The following GPC5 variants were observed in gnomAD, a reference collection of about 807,000 sequenced individuals.
GPC5 encodes glypican-5.
GPC5 carries 47 observed loss-of-function variants against 53.9 expected under a neutral mutation model. That is an observed-to-expected ratio of 0.87 (90% CI 0.69 to 1.11). The LOEUF is 1.11. GPC5 is among the 50% of genes most tolerant of loss of function. The pLI is 0.00. For synonymous variants in GPC5, 286 were observed against 263.3 expected (o/e 1.09, Z -0.84); for missense variants, 748 against 713.1 (o/e 1.05, Z -0.56).
At chr13:92,865,075 G>A (rs138033528) in intron 7 of GPC5, among the ~76,000 whole-genome samples, 40 of 152,230 alleles carry the variant, frequency 2.6e-4, no homozygotes, top group South Asian at 1.5e-3. Flanking sequence ...TGATGAATCA[G>A]TAATTCCCTA....
At chr13:92,758,198 T>G (rs1228071328) in intron 7 of GPC5, among the ~76,000 whole-genome samples, 3 of 148,984 alleles carry the variant, frequency 2.0e-5, no homozygotes, top group Non-Finnish European at 4.5e-5. Flanking sequence ...TGGATGAAAT[T>G]GGAAATCATC....
chr13:92,247,682 T>A (rs544415051), intron 7 of GPC5, among the ~76,000 whole-genome samples: 124 of 152,264 alleles, frequency 8.1e-4, no homozygotes, highest in African/African-American at 2.9e-3. Flanking sequence ...TGTGTGTGTC[T>A]GTGAAATATA....
At chr13:92,077,918 G>A (rs1181048354) in intron 6 of GPC5, among the ~76,000 whole-genome samples, 7 of 152,156 alleles carry the variant, frequency 4.6e-5, no homozygotes, top group East Asian at 3.9e-4. Context: ...CTTGATAGAC[G>A]TAGATATAGA....
intron 7 of GPC5, among the ~76,000 whole-genome samples, chr13:92,710,510 G>C (rs1888099336): frequency 6.6e-6 from 1 of 152,198 alleles, no homozygotes; most frequent in Non-Finnish European, 1.5e-5. Flanking sequence ...ACAAGTTACA[G>C]CAAAGAGAAA....
At chr13:91,463,919 A>G (rs1183851641) in intron 2 of GPC5, among the ~76,000 whole-genome samples, 1 of 152,094 alleles carries the variant, frequency 6.6e-6, no homozygotes, top group Non-Finnish European at 1.5e-5. Flanking sequence ...GGGCCTTGTG[A>G]AAATTACAAA....
chr13:92,692,318 A>G (rs1299801588), intron 7 of GPC5, among the ~76,000 whole-genome samples: 3 of 152,016 alleles, frequency 2.0e-5, no homozygotes, highest in South Asian at 2.1e-4. Context: ...GCTATTGTGA[A>G]TAGTGCTGCA....
chr13:91,480,599 A>C (rs1883247190), intron 2 of GPC5, among the ~76,000 whole-genome samples: 3 of 152,204 alleles, frequency 2.0e-5, no homozygotes, highest in African/African-American at 7.2e-5. Flanking sequence ...ATCAAGACAT[A>C]TTGCATACAA....
At position 92,498,651 on chromosome 13, in the gene GPC5, T is replaced by C. The variant is rs79977013; in HGVS notation, c.1561+353662T>C. Among the ~76,000 whole-genome samples the C allele has an allele frequency of 6.5e-3, 987 of 152,264 alleles. 6 individuals carry two copies. The highest frequency in any genetic ancestry group is 0.017 in the Middle Eastern group (5 of 294). ...TTGCAGGGCAGAGGGTGGGAGACTC[T>C]CCTGCCCTGCTCATATCTGACTAGC... On this transcript the variant is annotated intron_variant, in intron 7 of 7. Transcript: ENST00000377067.
At chr13:91,973,628 T>C (rs539874767) in intron 6 of GPC5, among the ~76,000 whole-genome samples, 3,573 of 151,562 alleles carry the variant, frequency 0.024, 137 homozygotes, top group African/African-American at 0.082. Context: ...ATGATGGTGA[T>C]GTACAGATGG....
intron 2 of GPC5, among the ~76,000 whole-genome samples, chr13:91,512,832 G>GT (rs1885303407): frequency 6.6e-6 from 1 of 152,072 alleles, no homozygotes; most frequent in Admixed American, 6.6e-5. Flanking sequence ...TACCATTAGG[G>GT]TTTTTTGCAT....
intron 6 of GPC5, among the ~76,000 whole-genome samples, chr13:91,974,802 A>G (rs1393016237): frequency 0.022 from 3,332 of 151,822 alleles, 118 homozygotes; most frequent in African/African-American, 0.077. Flanking sequence ...AAAAGAGCCC[A>G]CAATGCCAAG....
intron 2 of GPC5, among the ~76,000 whole-genome samples, chr13:91,466,069 A>G (rs1005039787): frequency 1.3e-5 from 2 of 152,020 alleles, no homozygotes; most frequent in Non-Finnish European, 2.9e-5. Context: ...CACTGCCTGA[A>G]CCCTGAAGGC....
intron 4 of GPC5, among the ~76,000 whole-genome samples, chr13:91,733,635 T>C (rs1282786643): frequency 1.3e-5 from 2 of 152,190 alleles, no homozygotes; most frequent in African/African-American, 4.8e-5. Flanking sequence ...TCCTTGTCTA[T>C]TGTTGAGTTA....
At chr13:92,185,391 AACTT>A (rs1285112427) in intron 7 of GPC5, among the ~76,000 whole-genome samples, 1 of 152,188 alleles carries the variant, frequency 6.6e-6, no homozygotes, top group Non-Finnish European at 1.5e-5. Context: ...AATTCTCTTA[AACTT>A]ACTAAGATGT....
chr13:91,642,066 C>T (rs954357329), intron 2 of GPC5, among the ~76,000 whole-genome samples: 2 of 151,880 alleles, frequency 1.3e-5, no homozygotes, highest in Non-Finnish European at 2.9e-5. Flanking sequence ...AACAGGAGGC[C>T]CAACTTGTAT....
chr13:92,344,664 C>T (rs2043395781), intron 7 of GPC5, among the ~76,000 whole-genome samples: 1 of 152,084 alleles, frequency 6.6e-6, no homozygotes, highest in South Asian at 2.1e-4. Context: ...GGGGAGTGGT[C>T]AAAGTGAGGT....
chr13:91,827,181 G>T (rs1440008330), intron 5 of GPC5, among the ~76,000 whole-genome samples: 1 of 151,858 alleles, frequency 6.6e-6, no homozygotes, highest in Non-Finnish European at 1.5e-5. Context: ...AACATATCAG[G>T]TGTATTCCAT....
chr13:92,018,646 T>C (rs2138787008), intron 6 of GPC5, among the ~76,000 whole-genome samples: 1 of 152,230 alleles, frequency 6.6e-6, no homozygotes, highest in African/African-American at 2.4e-5. Context: ...TTCTGAAGAA[T>C]TCAAAAGATG....
At chr13:92,633,148 C>T (rs1885309804) in intron 7 of GPC5, among the ~76,000 whole-genome samples, 1 of 152,178 alleles carries the variant, frequency 6.6e-6, no homozygotes, top group African/African-American at 2.4e-5. Context: ...CCGCCTCGGC[C>T]TCCCAAAGTG....
Sources: gnomAD v4.1 joint callset for allele counts (sites outside exome capture counted in the v4.1 genomes callset) on GRCh38, gnomAD v4.1.1 for gene constraint, MANE v1.5 for transcripts, NCBI Gene and HGNC (gene_info 2026-07-23, HGNC 2026-07-21) for gene names.